SESN1: variants seen among roughly 807,000 people sequenced by gnomAD.
SESN1 encodes the protein sestrin-1.
A neutral mutation model predicts 59.3 loss-of-function variants in SESN1; 30 were observed. The observed-to-expected ratio is 0.51, with a 90% confidence interval of 0.38 to 0.69. SESN1 has a LOEUF of 0.69. SESN1 is among the 30% of genes least tolerant of loss of function. The pLI is 0.00. For synonymous variants in SESN1, 197 were observed against 219.9 expected (o/e 0.90, Z 0.92); for missense variants, 566 against 673.0 (o/e 0.84, Z 1.76).
In SESN1 at chr6:109,002,274, G is replaced by C; in HGVS notation, c.345+4C>G. The C allele has an allele frequency of 1.2e-6, 2 of 1,612,292 alleles. No homozygotes were observed. Among genetic ancestry groups the C allele is most frequent in the Non-Finnish European group, 1.7e-6 (2 of 1,178,480 alleles). On this transcript the variant is annotated splice_donor_region_variant and intron_variant, in intron 2 of 9. Transcript: ENST00000436639. The stretch of plus-strand genomic sequence containing the variant: ...TTCACTATGTACTTTCACAAACAAC[G>C]TACCTCCTTTTCTGGGATGAATCTG...
chr6:109,083,234 A>T (rs1348595938), intron 1 of SESN1, among the ~76,000 whole-genome samples: 1 of 152,214 alleles, frequency 6.6e-6, no homozygotes, highest in East Asian at 1.9e-4. Context: ...CCAGTAAGAA[A>T]ATTCAACATG....
At chr6:109,024,388 G>T (rs1221987456) in intron 1 of SESN1, among the ~76,000 whole-genome samples, 1 of 152,110 alleles carries the variant, frequency 6.6e-6, no homozygotes, top group African/African-American at 2.4e-5. Context: ...GCAGAAATAA[G>T]AACTTGGATA....
chr6:109,052,953 T>C (rs1316849530), intron 1 of SESN1, among the ~76,000 whole-genome samples: 2 of 152,086 alleles, frequency 1.3e-5, no homozygotes, highest in Admixed American at 6.5e-5. Context: ...AATCAAACAA[T>C]CAATAAAGTA....
chr6:109,021,609 T>G (rs1056406141), intron 1 of SESN1, among the ~76,000 whole-genome samples: 1 of 152,076 alleles, frequency 6.6e-6, no homozygotes, highest in Admixed American at 6.5e-5. Flanking sequence ...GGCTAATTTT[T>G]TTTTGTATTT....
chr6:109,004,721 A>G (rs576965657), intron 1 of SESN1, among the ~76,000 whole-genome samples: 1 of 152,232 alleles, frequency 6.6e-6, no homozygotes, highest in Non-Finnish European at 1.5e-5. Flanking sequence ...GAGCCACCGC[A>G]CCTGACCAAC....
At chr6:109,010,577 T>C (rs2114345994) in intron 1 of SESN1, among the ~76,000 whole-genome samples, 1 of 152,364 alleles carries the variant, frequency 6.6e-6, no homozygotes, top group East Asian at 1.9e-4. Flanking sequence ...CAGTGAAAAC[T>C]AAGTTACTCT....
At chr6:109,069,957 C>T (rs1330981182) in intron 1 of SESN1, among the ~76,000 whole-genome samples, 4 of 152,178 alleles carry the variant, frequency 2.6e-5, no homozygotes, top group Admixed American at 6.5e-5. Context: ...CTTATTATCA[C>T]GCTAATCCAA....
At chr6:109,001,990 C>T (rs2114309818) in intron 2 of SESN1, among the ~76,000 whole-genome samples, 1 of 152,072 alleles carries the variant, frequency 6.6e-6, no homozygotes, top group Non-Finnish European at 1.5e-5. Context: ...TATGGGCACA[C>T]CTAAACAACA....
intron 1 of SESN1, among the ~76,000 whole-genome samples, chr6:109,006,705 A>C (rs534190298): frequency 1.3e-5 from 2 of 152,310 alleles, no homozygotes; most frequent in South Asian, 4.1e-4. Context: ...TGGTTTATAA[A>C]AAGTTTCCAT....
rs566973039 is a variant in SESN1, at chr6:109,082,894, G to A, written c.279+10901C>T. ...TTTGACTCATTAGATGGAAGATCTA[G>A]ATCAAATGCATCATTATCATCACCA... On this transcript the variant is annotated intron_variant, in intron 1 of 9. Transcript: ENST00000436639. Among the ~76,000 whole-genome samples, 76 of 152,254 alleles carry A rather than the reference G, an allele frequency of 5.0e-4. 1 individual carries two copies. In the South Asian group the frequency reaches 0.01, roughly 21 times the overall value.
chr6:109,004,736 G>A (rs1433819938), intron 1 of SESN1, among the ~76,000 whole-genome samples: 8 of 151,456 alleles, frequency 5.3e-5, no homozygotes, highest in South Asian at 2.1e-4. Context: ...ACCAACAATC[G>A]TATTTTAAAA....
chr6:109,009,498 G>A lies in SESN1; in HGVS notation c.280-7155C>T, dbSNP rs1240768603. ...ACGGCTGCGGACGCGCGGAGGCGGC[G>A]AGCGCTGGGCAGCCGGCCGCGGCTC... On this transcript the variant is annotated intron_variant, in intron 1 of 9. Transcript: ENST00000436639. The A allele has an allele frequency of 3.3e-6, 4 of 1,224,350 alleles. No individual in the cohort carries two copies. In the East Asian group the frequency reaches 1.4e-4, roughly 41 times the overall value. The allele number at this position is 1,224,350 out of a possible 1,614,324, so 75.8% of individuals were successfully genotyped here.
In SESN1 at chr6:108,986,189, A is replaced by G. The variant is rs1011942841; in HGVS notation, c.*1355T>C. Among the ~76,000 whole-genome samples the G allele has an allele frequency of 6.6e-5, 10 of 152,306 alleles. No individual in the cohort carries two copies. Among genetic ancestry groups the G allele is most frequent in the African/African-American group, 1.9e-4 (8 of 41,558 alleles). On this transcript the variant is annotated 3_prime_UTR_variant, in exon 10 of 10. Transcript: ENST00000436639. ...GAATCCTTCTTTTTAGTAATTCTTA[A>G]AATTCTATTGGAACTCTAAAACAGT...
chr6:108,998,653 A>G lies in SESN1; in HGVS notation c.832T>C (p.Cys278Arg). 1 of 1,613,990 alleles carries G rather than the reference A, an allele frequency of 6.2e-7. No homozygotes were observed. Among genetic ancestry groups the G allele is most frequent in the South Asian group, 1.1e-5 (1 of 91,086 alleles). ...YHSLASFTFG[C>R]GISPEIHCDG... ...CAATGAATTTCTGGACTGATTCCAC[A>G]GCCGAATGTGAATGAGGCAAGAGAA... Residue 278 changes from cysteine to arginine, a missense_variant, in exon 5 of 10, where the codon TGT (cysteine) becomes CGT (arginine). Physicochemically the swap from Cys to Arg is radical, Grantham distance 180. Transcript: ENST00000436639.
chr6:108,988,431 T>C (rs544330786), intron 9 of SESN1, 112 bp downstream of exon 9: 3 of 908,488 alleles, frequency 3.3e-6, no homozygotes, highest in East Asian at 2.7e-5. Context: ...TGGAATGTTT[T>C]TCTTTGGGTT....
At chr6:108,993,433 T>C (rs1160963596) in intron 6 of SESN1, among the ~76,000 whole-genome samples, 5 of 152,176 alleles carry the variant, frequency 3.3e-5, no homozygotes, top group South Asian at 4.1e-4. Context: ...CATGTAAGTG[T>C]ATCATTAGAT....
At chr6:108,999,406 T>G (rs1404896661) in intron 4 of SESN1, among the ~76,000 whole-genome samples, 1 of 152,200 alleles carries the variant, frequency 6.6e-6, no homozygotes, top group Non-Finnish European at 1.5e-5. Flanking sequence ...ATAGTATCTA[T>G]TCTATGAAAT....
intron 1 of SESN1, among the ~76,000 whole-genome samples, chr6:109,089,063 T>A (rs1192412302): frequency 6.7e-6 from 1 of 149,826 alleles, no homozygotes; most frequent in African/African-American, 2.6e-5. Flanking sequence ...GTGTCCATTT[T>A]TTTTTTTTTT....
At chr6:109,029,495 C>T (rs1033704278) in intron 1 of SESN1, among the ~76,000 whole-genome samples, 1 of 152,162 alleles carries the variant, frequency 6.6e-6, no homozygotes, top group South Asian at 2.1e-4. Context: ...CAACCTCTCC[C>T]TCCTCAAGCC....
Sources: allele counts gnomAD v4.1 joint callset (sites outside exome capture counted in the v4.1 genomes callset), GRCh38; gene constraint gnomAD v4.1.1; transcripts MANE v1.5; gene names NCBI Gene and HGNC (gene_info 2026-07-23, HGNC 2026-07-21).